The following C13orf46 variants were observed in gnomAD, a reference collection of about 807,000 sequenced individuals.
C13orf46 encodes chromosome 13 open reading frame 46, also known as uncharacterized protein C13orf46.
intron 6 of C13orf46, among the ~76,000 whole-genome samples, chr13:113,957,661 C>G (rs2052550021): frequency 7.4e-6 from 1 of 135,858 alleles, no homozygotes; most frequent in African/African-American, 2.9e-5. Context: ...CCCCTTTCAT[C>G]AAGCACACTG....
At chr13:113,927,064 A>C in the C13orf46 span, 1 of 152,316 alleles carries the variant, frequency 6.6e-6, no homozygotes, top group Non-Finnish European at 1.5e-5. Context: ...GTGCCCTTCA[A>C]CTCTGGAGTG....
downstream of C13orf46, among the ~76,000 whole-genome samples, chr13:113,950,341 G>A (rs1260351812): frequency 9.2e-6 from 1 of 108,606 alleles, no homozygotes; most frequent in African/African-American, 3.8e-5. Flanking sequence ...TCTGTAGAGT[G>A]GGGTCATCAC....
At chr13:113,929,465 C>T in the C13orf46 span, among the ~76,000 whole-genome samples, 16 of 152,328 alleles carry the variant, frequency 1.1e-4, no homozygotes, top group East Asian at 7.7e-4. Flanking sequence ...TCTTGGGGAC[C>T]GAGTCATTGC....
the C13orf46 span, among the ~76,000 whole-genome samples, chr13:113,944,065 C>T: frequency 1.3e-5 from 2 of 152,198 alleles, no homozygotes; most frequent in Admixed American, 6.5e-5. Flanking sequence ...ACCCCAAGGC[C>T]TCACAGACCC....
intron 6 of C13orf46, among the ~76,000 whole-genome samples, chr13:113,957,988 ACC>A (rs1958426892): frequency 1.0e-5 from 1 of 98,796 alleles, no homozygotes; most frequent in Admixed American, 1.2e-4. Context: ...CTCTGCCTGC[ACC>A]CCCTTTCATC....
intron 1 of C13orf46, among the ~76,000 whole-genome samples, 163 bp downstream of exon 1, chr13:113,973,643 GAC>G (rs2052732652): frequency 6.6e-6 from 1 of 152,208 alleles, no homozygotes; most frequent in African/African-American, 2.4e-5. Context: ...CCCCGCCTTG[GAC>G]ACACGTCGTT....
intron 4 of C13orf46, among the ~76,000 whole-genome samples, chr13:113,968,159 C>T (rs1199620914): frequency 1.1e-4 from 16 of 152,194 alleles, no homozygotes; most frequent in Admixed American, 2.6e-4. Context: ...ACACATCAAG[C>T]CTGGGGCTCT....
chr13:113,952,939 T>C (rs1012332376), downstream of C13orf46, among the ~76,000 whole-genome samples: 3 of 152,196 alleles, frequency 2.0e-5, no homozygotes, highest in Non-Finnish European at 4.4e-5. Flanking sequence ...TGGCAGGAGC[T>C]GCTCTCGGGC....
the C13orf46 span, among the ~76,000 whole-genome samples, chr13:113,937,804 C>G: frequency 3.9e-5 from 6 of 152,096 alleles, no homozygotes; most frequent in Non-Finnish European, 5.9e-5. Context: ...TAGCCTTTTA[C>G]GGAATGCACA....
At chr13:113,951,613 C>T (rs1178686763), downstream of C13orf46, among the ~76,000 whole-genome samples, 3 of 150,188 alleles carry the variant, frequency 2.0e-5, no homozygotes, top group Admixed American at 2.0e-4. Context: ...CCCCGCCCCC[C>T]ATGCCCTGCT....
chr13:113,932,573 G>A, the C13orf46 span, among the ~76,000 whole-genome samples: 1 of 152,160 alleles, frequency 6.6e-6, no homozygotes, highest in Non-Finnish European at 1.5e-5. Flanking sequence ...TAATTGAATT[G>A]TTTTGTCTCA....
At chr13:113,931,217 A>T in the C13orf46 span, among the ~76,000 whole-genome samples, 1 of 152,208 alleles carries the variant, frequency 6.6e-6, no homozygotes, top group African/African-American at 2.4e-5. Context: ...CAGATGACTC[A>T]TTCTGCCTGT....
At chr13:113,964,673 C>T (rs984763677) in intron 6 of C13orf46, among the ~76,000 whole-genome samples, 4 of 152,176 alleles carry the variant, frequency 2.6e-5, no homozygotes, top group Non-Finnish European at 2.9e-5. Flanking sequence ...GTAGGAGACA[C>T]GGCCTGGTTA....
chr13:113,930,945 C>T, the C13orf46 span, among the ~76,000 whole-genome samples: 1 of 152,202 alleles, frequency 6.6e-6, no homozygotes, highest in African/African-American at 2.4e-5. Context: ...GCCTCCAGGG[C>T]CAGGCTGGGG....
At chr13:113,966,047 T>C (rs1206990063) in intron 5 of C13orf46, among the ~76,000 whole-genome samples, 1 of 150,934 alleles carries the variant, frequency 6.6e-6, no homozygotes, top group Non-Finnish European at 1.5e-5. Context: ...ATGGTGATGA[T>C]GATGCTGGTG....
chr13:113,927,509 A>G, the C13orf46 span: 21,406 of 398,634 alleles, frequency 0.054, 671 homozygotes, highest in African/African-American at 0.099. Context: ...TGAAGGCCAC[A>G]TCGATGCTTG....
At chr13:113,958,801 T>C (rs2052563537) in intron 6 of C13orf46, among the ~76,000 whole-genome samples, 1 of 152,302 alleles carries the variant, frequency 6.6e-6, no homozygotes, top group African/African-American at 2.4e-5. Flanking sequence ...ACCTGGCACC[T>C]TGACCCCAGC....
chr13:113,959,201 G>C (rs1341686950), intron 6 of C13orf46, among the ~76,000 whole-genome samples: 3 of 152,166 alleles, frequency 2.0e-5, no homozygotes, highest in African/African-American at 4.8e-5. Context: ...GAGCCCAGGG[G>C]GTGGAGGTTG....
intron 5 of C13orf46, among the ~76,000 whole-genome samples, chr13:113,965,932 ATTATGATGG>A (rs1377132559): frequency 4.8e-5 from 7 of 147,042 alleles, no homozygotes; most frequent in Admixed American, 1.4e-4. Context: ...AATGATGATG[ATTATGATGG>A]TGATGATGAT....
Sources: gnomAD v4.1 joint callset for allele counts (sites outside exome capture counted in the v4.1 genomes callset) on GRCh38, gnomAD v4.1.1 for gene constraint, MANE v1.5 for transcripts, NCBI Gene and HGNC (gene_info 2026-07-23, HGNC 2026-07-21) for gene names.